The following CRPPA variants were observed in gnomAD, a reference collection of about 807,000 sequenced individuals.
CRPPA encodes CDP-L-ribitol pyrophosphorylase A, also known as D-ribitol-5-phosphate cytidylyltransferase.
In CRPPA, 43 loss-of-function variants were observed where a neutral mutation model predicts 52.0. The ratio of observed to expected loss-of-function variants is 0.83; its 90% CI spans 0.65 to 1.07. CRPPA has a LOEUF of 1.07. CRPPA is among the 50% of genes least tolerant of loss of function. CRPPA has a pLI of 0.00. For synonymous variants in CRPPA, 250 were observed against 203.5 expected (o/e 1.23, Z -1.94); for missense variants, 629 against 551.7 (o/e 1.14, Z -1.40).
At chr7:16,370,923 G>T (rs1341651021) in intron 3 of CRPPA, among the ~76,000 whole-genome samples, 1 of 152,186 alleles carries the variant, frequency 6.6e-6, no homozygotes, top group African/African-American at 2.4e-5. Context: ...CTGGATTCAG[G>T]CTTGCATGAG....
chr7:16,192,280 T>A (rs1034486671), intron 9 of CRPPA, among the ~76,000 whole-genome samples: 26 of 152,086 alleles, frequency 1.7e-4, no homozygotes, highest in African/African-American at 6.3e-4. Flanking sequence ...ATATATTCTA[T>A]TGGTTCTGTG....
intron 2 of CRPPA, among the ~76,000 whole-genome samples, chr7:16,403,460 C>A (rs1158246185): frequency 6.6e-6 from 1 of 152,018 alleles, no homozygotes; most frequent in Non-Finnish European, 1.5e-5. Context: ...ATAACCCACC[C>A]CTCCCCCTAA....
chr7:16,383,468 T>A (rs1017202679), intron 2 of CRPPA, among the ~76,000 whole-genome samples: 10 of 152,200 alleles, frequency 6.6e-5, no homozygotes, highest in African/African-American at 2.4e-4. Context: ...GAGGAGGCAG[T>A]CTGCCCATTC....
intron 8 of CRPPA, among the ~76,000 whole-genome samples, chr7:16,238,212 G>A (rs1187073156): frequency 6.6e-6 from 1 of 152,012 alleles, no homozygotes; most frequent in East Asian, 1.9e-4. Context: ...GAAATCTAAA[G>A]TAAGATGCTG....
rs115587415 is a variant in CRPPA, at chr7:16,134,786, C to A, written c.1252-42987G>T. 6.2e-3 allele frequency among the ~76,000 whole-genome samples: 939 copies of A among 152,190 alleles called. 12 individuals carry two copies. The highest frequency in any genetic ancestry group is 0.021 in the African/African-American group (882 of 41,524). On this transcript the variant is annotated intron_variant, in intron 9 of 9. Transcript: ENST00000407010. ...TTTGTAAATTATAATTGAATCACAG[C>A]CAGATCATGTACAAATTTATTAATT...
chr7:16,411,160 T>C (rs9886352), intron 1 of CRPPA, among the ~76,000 whole-genome samples: 71,549 of 152,024 alleles, frequency 0.47, 17,847 homozygotes, highest in African/African-American at 0.63. Flanking sequence ...TCGCCTGCAA[T>C]ATCTCAATAT....
intron 5 of CRPPA, among the ~76,000 whole-genome samples, chr7:16,301,146 C>T (rs1405822808): frequency 2.0e-5 from 3 of 152,142 alleles, no homozygotes; most frequent in Non-Finnish European, 2.9e-5. Context: ...TCAGGTTTTG[C>T]TATTTTCCTT....
intron 3 of CRPPA, among the ~76,000 whole-genome samples, chr7:16,366,262 G>A (rs1786586001): frequency 6.6e-6 from 1 of 152,144 alleles, no homozygotes; most frequent in African/African-American, 2.4e-5. Context: ...CACCTTGGTG[G>A]TTAGGTTTCA....
At chr7:16,301,188 A>G (rs1011060950) in intron 5 of CRPPA, among the ~76,000 whole-genome samples, 2 of 152,194 alleles carry the variant, frequency 1.3e-5, no homozygotes, top group Non-Finnish European at 2.9e-5. Flanking sequence ...ACTTCCCTCA[A>G]GTTAATAAAG....
intron 8 of CRPPA, among the ~76,000 whole-genome samples, chr7:16,243,422 C>T (rs1477931406): frequency 6.6e-6 from 1 of 152,056 alleles, no homozygotes; most frequent in Non-Finnish European, 1.5e-5. Context: ...AATATAATTA[C>T]AATAAAATAA....
At chr7:16,200,501 T>C (rs1299066332) in intron 9 of CRPPA, among the ~76,000 whole-genome samples, 1 of 152,178 alleles carries the variant, frequency 6.6e-6, no homozygotes, top group Non-Finnish European at 1.5e-5. Context: ...GGCATTCACA[T>C]CCTACAAATT....
At chr7:16,169,645 T>C (rs760556752) in intron 9 of CRPPA, among the ~76,000 whole-genome samples, 8 of 152,380 alleles carry the variant, frequency 5.3e-5, no homozygotes, top group Middle Eastern at 3.4e-3. Context: ...ACTCACAGCG[T>C]GAGTCTGTTG....
Position 16,220,974 on chromosome 7 carries a change from C to A in CRPPA, c.1120-4777G>T, listed in dbSNP as rs1177287659. Among the ~76,000 whole-genome samples the A allele has an allele frequency of 2.6e-5, 4 of 152,150 alleles. No individual in the cohort carries two copies. The South Asian group carries it at 8.3e-4, about 32-fold the overall frequency. On this transcript the variant is annotated intron_variant, in intron 8 of 9. Transcript: ENST00000407010. ...AAGTTCATATGGAACCAAAAAAGAG[C>A]CCGCATCACCAAGGCAATCCTAAGC...
At chr7:16,256,177 G>A (rs1270242523) in intron 8 of CRPPA, among the ~76,000 whole-genome samples, 1 of 152,036 alleles carries the variant, frequency 6.6e-6, no homozygotes, top group Admixed American at 6.6e-5. Flanking sequence ...ATGTAGCCAA[G>A]AAACATGAAA....
At chr7:16,151,790 A>G (rs1256201715) in intron 9 of CRPPA, among the ~76,000 whole-genome samples, 1 of 152,030 alleles carries the variant, frequency 6.6e-6, no homozygotes, top group African/African-American at 2.4e-5. Context: ...AGAAAAGTAT[A>G]ACATAAAACA....
intron 9 of CRPPA, among the ~76,000 whole-genome samples, chr7:16,162,277 A>G (rs1248546014): frequency 6.6e-6 from 1 of 152,050 alleles, no homozygotes; most frequent in African/African-American, 2.4e-5. Flanking sequence ...TGAGGGTGTC[A>G]ATTTTAGATC....
intron 9 of CRPPA, among the ~76,000 whole-genome samples, chr7:16,122,415 G>GA (rs1410830981): frequency 1.3e-5 from 2 of 151,382 alleles, no homozygotes; most frequent in East Asian, 1.9e-4. Context: ...ACTTAGAAAA[G>GA]AAAAAAACAA....
chr7:16,188,886 T>C (rs1781554677), intron 9 of CRPPA, among the ~76,000 whole-genome samples: 1 of 152,198 alleles, frequency 6.6e-6, no homozygotes, highest in African/African-American at 2.4e-5. Context: ...AGCAGGTCTC[T>C]AGCTCCTTGA....
At chr7:16,216,973 T>C (rs375822542) in intron 8 of CRPPA, among the ~76,000 whole-genome samples, 327 of 152,144 alleles carry the variant, frequency 2.1e-3, no homozygotes, top group Non-Finnish European at 2.4e-3. Context: ...TCTGTAGGCT[T>C]CACCTCTGGG....
Sources: gnomAD v4.1 joint callset for allele counts (sites outside exome capture counted in the v4.1 genomes callset) on GRCh38, gnomAD v4.1.1 for gene constraint, MANE v1.5 for transcripts, NCBI Gene and HGNC (gene_info 2026-07-23, HGNC 2026-07-21) for gene names.